Variants in WWOX observed in about 807,000 individuals in gnomAD.
WWOX encodes WW domain containing oxidoreductase, also known as WW domain-containing oxidoreductase.
A neutral mutation model predicts 46.2 loss-of-function variants in WWOX; 69 were observed. That is an observed-to-expected ratio of 1.49 (90% confidence interval 1.23 to 1.82). The LOEUF (loss-of-function observed/expected upper bound fraction) is 1.82. Ranked by LOEUF, WWOX falls within the 40% of genes most tolerant of loss-of-function variation. The probability of loss-of-function intolerance (pLI) is 0.00; values close to 1 mark genes in which losing one functional copy is unlikely to be tolerated. For synonymous variants in WWOX, 359 were observed against 202.6 expected (o/e 1.77, Z -6.56); for missense variants, 919 against 542.6 (o/e 1.69, Z -6.89).
At chr16:78,301,517 G>T (rs2080041109) in intron 5 of WWOX, among the ~76,000 whole-genome samples, 1 of 152,050 alleles carries the variant, frequency 6.6e-6, no homozygotes, top group East Asian at 1.9e-4. Context: ...CTAAGAAGCT[G>T]GTTTCCTTTG....
chr16:78,300,268 T>G (rs1025766967), intron 5 of WWOX, among the ~76,000 whole-genome samples: 1 of 152,160 alleles, frequency 6.6e-6, no homozygotes, highest in Non-Finnish European at 1.5e-5. Flanking sequence ...CTAGGTTAAA[T>G]AGTTTGTCTC....
intron 8 of WWOX, among the ~76,000 whole-genome samples, chr16:78,923,346 A>T (rs2045423408): frequency 1.3e-5 from 2 of 152,078 alleles, no homozygotes; most frequent in African/African-American, 4.8e-5. Context: ...GAATATCATC[A>T]TTATCAACAT....
In WWOX at chr16:78,734,824, A is replaced by C. The variant is rs75709140; in HGVS notation, c.1056+302072A>C. Reference sequence around the variant, plus strand: ...GAGAACTCCTTCTGCCTGATGACTCAGGTGGGGACTTCAGTCCTTTTTTTT... The same window carrying C: ...GAGAACTCCTTCTGCCTGATGACTCCGGTGGGGACTTCAGTCCTTTTTTTT... On this transcript the variant is annotated intron_variant, in intron 8 of 8. Coordinates refer to ENST00000566780, the MANE Select transcript of WWOX (RefSeq NM_016373.4). Among the ~76,000 whole-genome samples, 756 of 121,612 alleles carry C rather than the reference A, an allele frequency of 6.2e-3. 10 individuals carry two copies. The highest frequency in any genetic ancestry group is 0.022 in the African/African-American group (725 of 32,884). The allele number at this position is 121,612 out of a possible 152,430, so 79.8% of individuals were successfully genotyped here. A position where few individuals can be genotyped will look rare whatever the true frequency, so the allele number is the denominator to read the frequency against.
chr16:79,009,944 G>A (rs545981590), intron 8 of WWOX, among the ~76,000 whole-genome samples: 4 of 152,292 alleles, frequency 2.6e-5, no homozygotes, highest in African/African-American at 7.2e-5. Flanking sequence ...GTCTATTAAC[G>A]TGTGACCTTG....
intron 5 of WWOX, among the ~76,000 whole-genome samples, chr16:78,363,829 G>C (rs1354898692): frequency 1.3e-5 from 2 of 152,152 alleles, no homozygotes; most frequent in African/African-American, 4.8e-5. Flanking sequence ...AGGTTGGAGA[G>C]CAGGAACTTG....
intron 5 of WWOX, among the ~76,000 whole-genome samples, chr16:78,288,267 C>CTTTTTTTTTTTTTT (rs201333228): frequency 8.0e-6 from 1 of 124,704 alleles, no homozygotes; most frequent in Admixed American, 8.2e-5. Flanking sequence ...TATGAGTTTA[C>CTTTTTTTTTTTTTT]TTTTTTTTTT....
At chr16:78,587,193 C>CTTTTTTTTTTTTTTT (rs528293412) in intron 8 of WWOX, among the ~76,000 whole-genome samples, 14 of 112,900 alleles carry the variant, frequency 1.2e-4, no homozygotes, top group African/African-American at 4.8e-4. Flanking sequence ...GCCTGGCTAA[C>CTTTTTTTTTTTTTTT]TTTTTTTTTT....
At chr16:78,229,056 CATA>C (rs1432915765) in intron 5 of WWOX, among the ~76,000 whole-genome samples, 2 of 152,156 alleles carry the variant, frequency 1.3e-5, no homozygotes, top group East Asian at 3.9e-4. Flanking sequence ...TATTTGACCT[CATA>C]ATACCAGCAT....
intron 8 of WWOX, among the ~76,000 whole-genome samples, chr16:78,456,295 C>T (rs1417706318): frequency 6.6e-6 from 1 of 152,036 alleles, no homozygotes; most frequent in Non-Finnish European, 1.5e-5. Flanking sequence ...AGAAATGTCA[C>T]GAGTGTCTGT....
chr16:78,667,025 T>A (rs532723008), intron 8 of WWOX, among the ~76,000 whole-genome samples: 3 of 152,348 alleles, frequency 2.0e-5, no homozygotes, highest in African/African-American at 7.2e-5. Context: ...ACCCAACTGC[T>A]GGCTGAATTA....
Position 78,482,695 on chromosome 16 carries a change from C to A in WWOX, c.1056+49943C>A, listed in dbSNP as rs550686058. Among the ~76,000 whole-genome samples the A allele has an allele frequency of 4.6e-5, 7 of 152,258 alleles. No individual in the cohort carries two copies. The South Asian group carries it at 1.5e-3, about 32-fold the overall frequency. On this transcript the variant is annotated intron_variant, in intron 8 of 8. Transcript: ENST00000566780. Reference sequence around the variant, plus strand: ...CTGAGGCTTAGAGAGTTGAAGTAATCAACTGGGTGTTAAAAAGCTGGTAAG... The same window carrying A: ...CTGAGGCTTAGAGAGTTGAAGTAATAAACTGGGTGTTAAAAAGCTGGTAAG...
At chr16:78,542,078 G>A (rs1004998774) in intron 8 of WWOX, among the ~76,000 whole-genome samples, 7 of 145,078 alleles carry the variant, frequency 4.8e-5, no homozygotes, top group South Asian at 4.5e-4. Flanking sequence ...TTAGGACCTG[G>A]ACTTAATCTT....
At chr16:78,504,727 C>G (rs914585646) in intron 8 of WWOX, among the ~76,000 whole-genome samples, 4 of 152,184 alleles carry the variant, frequency 2.6e-5, no homozygotes, top group African/African-American at 9.6e-5. Context: ...AAAAGTGAGG[C>G]TGGTCATGGG....
rs2048160985 is a variant in WWOX at position 78,699,176 on chromosome 16, C to T, written c.1056+266424C>T. Among the ~76,000 whole-genome samples, 3 of 152,300 alleles carry T rather than the reference C, an allele frequency of 2.0e-5. No individual in the cohort carries two copies. In the South Asian group the frequency reaches 6.2e-4, roughly 32 times the overall value. Reference sequence around the variant, plus strand: ...ATTTATAAAAACAGGTCACGGGCCACATTTGGCCCATCAGCCATAGTTTCC... The same window carrying T: ...ATTTATAAAAACAGGTCACGGGCCATATTTGGCCCATCAGCCATAGTTTCC... On this transcript the variant is annotated intron_variant, in intron 8 of 8. Coordinates refer to ENST00000566780, the MANE Select transcript of WWOX (RefSeq NM_016373.4).
chr16:78,256,553 T>C (rs909934167), intron 5 of WWOX, among the ~76,000 whole-genome samples: 8 of 151,762 alleles, frequency 5.3e-5, no homozygotes, highest in African/African-American at 1.7e-4. Flanking sequence ...GACCCTCTCC[T>C]GGCCTCAATT....
At chr16:79,190,218 T>C (rs1274257734) in intron 8 of WWOX, among the ~76,000 whole-genome samples, 2 of 152,052 alleles carry the variant, frequency 1.3e-5, no homozygotes, top group Admixed American at 1.3e-4. Flanking sequence ...AAAGACAGGG[T>C]TTCACCGTGT....
intron 5 of WWOX, among the ~76,000 whole-genome samples, chr16:78,321,569 G>A (rs2151884321): frequency 6.6e-6 from 1 of 152,074 alleles, no homozygotes; most frequent in Non-Finnish European, 1.5e-5. Flanking sequence ...TGAATTTGAA[G>A]TCCTTAAATG....
chr16:78,491,807 A>G (rs1298203439), intron 8 of WWOX, among the ~76,000 whole-genome samples: 2 of 152,180 alleles, frequency 1.3e-5, no homozygotes, highest in African/African-American at 4.8e-5. Flanking sequence ...ATTTTAAATA[A>G]CTATCATTTG....
At chr16:78,622,563 C>A (rs2046215419) in intron 8 of WWOX, among the ~76,000 whole-genome samples, 1 of 151,728 alleles carries the variant, frequency 6.6e-6, no homozygotes. Context: ...AAAAGTGAAC[C>A]CTTGTAGTTT....
Sources: allele counts gnomAD v4.1 joint callset (sites outside exome capture counted in the v4.1 genomes callset), GRCh38; gene constraint gnomAD v4.1.1; transcripts MANE v1.5; gene names NCBI Gene and HGNC (gene_info 2026-07-23, HGNC 2026-07-21).